The following GPBP1 variants were observed in gnomAD, a reference collection of about 807,000 sequenced individuals.
GPBP1 encodes GC-rich promoter binding protein 1.
Under a neutral mutation model 56.5 loss-of-function variants are expected in GPBP1, and 13 were observed. The ratio of observed to expected loss-of-function variants is 0.23; its 90% CI spans 0.15 to 0.37. The LOEUF (loss-of-function observed/expected upper bound fraction) is 0.37. Among genes scored for constraint, GPBP1 ranks in the 10% least tolerant of loss-of-function variants. GPBP1 has a pLI of 1.00. For synonymous variants in GPBP1, 204 were observed against 188.9 expected, an observed-to-expected ratio of 1.08 and a Z score of -0.66; for missense variants, 477 against 572.3, an observed-to-expected ratio of 0.83 and a Z score of 1.70.
intron 2 of GPBP1, among the ~76,000 whole-genome samples, chr5:57,184,619 C>T (rs529325255): frequency 5.3e-5 from 8 of 152,198 alleles, no homozygotes; most frequent in Non-Finnish European, 8.8e-5. Context: ...CACTAGGTGC[C>T]GCCTTCAACA....
At chr5:57,236,966 G>T in intron 6 of GPBP1, 1 of 586,054 alleles carries the variant, frequency 1.7e-6, no homozygotes, top group Non-Finnish European at 2.9e-6. Context: ...TGAAACTCGG[G>T]AATTATTTTG....
At position 57,246,586 on chromosome 5, in the gene GPBP1, C is replaced by G. The variant is rs545974847; in HGVS notation, c.663+102C>G. 58 of 901,404 alleles carry G rather than the reference C, an allele frequency of 6.4e-5. No homozygotes were observed. In the East Asian group the frequency reaches 1.4e-3, roughly 21 times the overall value. 55.8% of individuals were successfully genotyped at this position (901,404 alleles called of 1,614,324 possible). Reference sequence around the variant, plus strand: ...ATTTAAAGTGTGTATGGAGGTACTTCGTGGGGTGCTGAGTTCTAGGTGGCA... The same window carrying G: ...ATTTAAAGTGTGTATGGAGGTACTTGGTGGGGTGCTGAGTTCTAGGTGGCA... On this transcript the variant is annotated intron_variant, in intron 7 of 11. Transcript: ENST00000506184.
At chr5:57,211,364 T>G (rs1016723195) in intron 2 of GPBP1, among the ~76,000 whole-genome samples, 1 of 151,972 alleles carries the variant, frequency 6.6e-6, no homozygotes, top group African/African-American at 2.4e-5. Context: ...TTTTTAAAAT[T>G]TTTTGTAGAG....
At chr5:57,203,840 A>T (rs759848944) in intron 2 of GPBP1, among the ~76,000 whole-genome samples, 2 of 152,224 alleles carry the variant, frequency 1.3e-5, no homozygotes, top group Non-Finnish European at 1.5e-5. Context: ...CTGTAAACAG[A>T]TAGCTTGGTA....
chr5:57,244,239 G>T (rs1439481185), intron 6 of GPBP1, among the ~76,000 whole-genome samples: 1 of 152,116 alleles, frequency 6.6e-6, no homozygotes, highest in East Asian at 1.9e-4. Context: ...GTTCCTTTGT[G>T]TACACTCTAA....
At chr5:57,199,519 G>C (rs1754905749) in intron 2 of GPBP1, among the ~76,000 whole-genome samples, 1 of 151,858 alleles carries the variant, frequency 6.6e-6, no homozygotes, top group East Asian at 1.9e-4. Flanking sequence ...ATTGCTACCA[G>C]ATTTCTTTTC....
intron 6 of GPBP1, among the ~76,000 whole-genome samples, chr5:57,240,011 A>G (rs1361257724): frequency 1.3e-5 from 2 of 152,162 alleles, no homozygotes; most frequent in African/African-American, 2.4e-5. Flanking sequence ...CTGTAATCCC[A>G]GCATTTTTGG....
chr5:57,221,047 G>T (rs901602992), intron 3 of GPBP1, among the ~76,000 whole-genome samples: 20 of 152,252 alleles, frequency 1.3e-4, no homozygotes, highest in African/African-American at 4.3e-4. Context: ...TGTTTGAAAA[G>T]ATGACATGAA....
intron 3 of GPBP1, among the ~76,000 whole-genome samples, chr5:57,221,852 G>C (rs1359595765): frequency 6.6e-6 from 1 of 152,206 alleles, no homozygotes; most frequent in Non-Finnish European, 1.5e-5. Flanking sequence ...CAGACTGCTA[G>C]TCGAGTTCAT....
chr5:57,198,170 A>T (rs1754848407), intron 2 of GPBP1, among the ~76,000 whole-genome samples: 1 of 152,144 alleles, frequency 6.6e-6, no homozygotes, highest in African/African-American at 2.4e-5. Flanking sequence ...GCAGTTTTGC[A>T]GTCCTAAATC....
intron 3 of GPBP1, among the ~76,000 whole-genome samples, chr5:57,214,481 A>G (rs1755622569): frequency 6.6e-6 from 1 of 152,016 alleles, no homozygotes; most frequent in Non-Finnish European, 1.5e-5. Flanking sequence ...GCTATTCAAG[A>G]GGCTGAGGTG....
chr5:57,175,329 C>T (rs1753752248), intron 1 of GPBP1, 119 bp from the exon 2 acceptor site: 1 of 385,002 alleles, frequency 2.6e-6, no homozygotes, highest in Non-Finnish European at 4.6e-6. Context: ...CTTTTCCAGG[C>T]TCCTGTAGGG....
At chr5:57,185,258 C>CTT (rs747214276) in intron 2 of GPBP1, among the ~76,000 whole-genome samples, 26 of 128,664 alleles carry the variant, frequency 2.0e-4, no homozygotes, top group South Asian at 4.9e-4. Flanking sequence ...TTGGTTAGGT[C>CTT]TTTTTTTTTT....
At chr5:57,226,802 C>T (rs1240138750) in intron 3 of GPBP1, among the ~76,000 whole-genome samples, 5 of 134,416 alleles carry the variant, frequency 3.7e-5, no homozygotes, top group Non-Finnish European at 4.6e-5. Context: ...TGCAGTGGTG[C>T]GATCTCTGCT....
At chr5:57,209,922 G>T (rs966272835) in intron 2 of GPBP1, among the ~76,000 whole-genome samples, 1 of 152,030 alleles carries the variant, frequency 6.6e-6, no homozygotes, top group Non-Finnish European at 1.5e-5. Flanking sequence ...TCAGTACTTT[G>T]GTTGTAGTTA....
At chr5:57,202,173 C>T (rs1022056792) in intron 2 of GPBP1, among the ~76,000 whole-genome samples, 3 of 151,802 alleles carry the variant, frequency 2.0e-5, no homozygotes, top group African/African-American at 4.8e-5. Flanking sequence ...TTTGTAGAGG[C>T]GAGGTTTCAC....
At chr5:57,185,954 T>TAA (rs113616606) in intron 2 of GPBP1, among the ~76,000 whole-genome samples, 11 of 145,932 alleles carry the variant, frequency 7.5e-5, no homozygotes, top group African/African-American at 2.7e-4. Context: ...AACCTTGTCT[T>TAA]AAAAAAAAAA....
At chr5:57,204,057 A>G (rs1027442472) in intron 2 of GPBP1, among the ~76,000 whole-genome samples, 3 of 152,212 alleles carry the variant, frequency 2.0e-5, no homozygotes, top group African/African-American at 2.4e-5. Flanking sequence ...CTTAAGTACC[A>G]TTGAATCAGA....
intron 5 of GPBP1, among the ~76,000 whole-genome samples, chr5:57,234,365 C>T (rs1039470575): frequency 1.3e-5 from 2 of 152,104 alleles, no homozygotes. Context: ...TTTTAATAAT[C>T]CTGAATATCA....
Sources: allele counts gnomAD v4.1 joint callset (sites outside exome capture counted in the v4.1 genomes callset), GRCh38; gene constraint gnomAD v4.1.1; transcripts MANE v1.5; gene names NCBI Gene and HGNC (gene_info 2026-07-23, HGNC 2026-07-21).